PRH1: variants seen among roughly 807,000 people sequenced by gnomAD.
The protein encoded by PRH1 is salivary acidic proline-rich phosphoprotein 1/2.
A neutral mutation model predicts 7.9 loss-of-function variants in PRH1; 7 were observed. The observed-to-expected ratio is 0.89, with a 90% CI of 0.50 to 1.67. The LOEUF is 1.67. Ranked by LOEUF, PRH1 falls within the 40% of genes most tolerant of loss-of-function variation. The pLI, the probability that PRH1 is intolerant of heterozygous loss-of-function variation, is 0.00. For missense variants in PRH1, 109 were observed against 223.6 expected (o/e 0.49, Z 3.27); for synonymous variants, 45 against 80.8 (o/e 0.56, Z 2.38).
Position 11,079,601 on chromosome 12 carries a change from A to C in PRH1, n.124-32413T>G, listed in dbSNP as rs1473134622. On this transcript the variant is annotated intron_variant and non_coding_transcript_variant, in intron 1 of 4. Transcript: ENST00000541977. ...GCAGAAAAACCTAAGTGATAAAGGC[A>C]CTCTGCTAAACCAAGAGTATGGGAA... Among the ~76,000 whole-genome samples the C allele has an allele frequency of 1.7e-4, 20 of 117,828 alleles. 4 individuals carry two copies. The highest frequency in any genetic ancestry group is 5.7e-4 in the African/African-American group (20 of 35,154). The allele number at this position is 117,828 out of a possible 152,430, so 77.3% of individuals were successfully genotyped here.
upstream of PRH1, among the ~76,000 whole-genome samples, chr12:10,885,995 T>C (rs140634466): frequency 3.3e-5 from 5 of 152,234 alleles, no homozygotes; most frequent in African/African-American, 1.2e-4. Flanking sequence ...CCCAGGCAGA[T>C]TGGTATTTTC....
chr12:10,978,018 A>C (rs1939184204), intron 1 of PRH1, among the ~76,000 whole-genome samples: 1 of 152,126 alleles, frequency 6.6e-6, no homozygotes, highest in African/African-American at 2.4e-5. Flanking sequence ...TATTTCTGAC[A>C]AACTACCAGT....
At chr12:10,895,117 A>G (rs1308583765) in intron 2 of PRH1, 1 of 152,232 alleles carries the variant, frequency 6.6e-6, no homozygotes, top group African/African-American at 2.4e-5. Context: ...CTAGAAGAGG[A>G]CAGGCCAATG....
At chr12:11,109,869 A>G (rs894902075) in intron 1 of PRH1, among the ~76,000 whole-genome samples, 1 of 151,920 alleles carries the variant, frequency 6.6e-6, no homozygotes, top group African/African-American at 2.4e-5. Flanking sequence ...AATAAACTCA[A>G]CTGAGATAAA....
At chr12:11,055,343 G>GT (rs1479380670) in intron 1 of PRH1, among the ~76,000 whole-genome samples, 1 of 152,234 alleles carries the variant, frequency 6.6e-6, no homozygotes, top group African/African-American at 2.4e-5. Flanking sequence ...ATGATGAGTA[G>GT]TAAACATACC....
intron 1 of PRH1, among the ~76,000 whole-genome samples, chr12:11,039,017 G>A (rs1179440697): frequency 6.6e-6 from 1 of 152,094 alleles, no homozygotes; most frequent in East Asian, 1.9e-4. Context: ...AATATAATTA[G>A]TTAACAGCAT....
intron 1 of PRH1, among the ~76,000 whole-genome samples, chr12:11,057,975 C>T (rs999537607): frequency 4.0e-5 from 6 of 151,584 alleles, no homozygotes; most frequent in African/African-American, 7.3e-5. Context: ...CAGCCCGGGC[C>T]CTGTGGCACA....
rs538901977 is a variant in PRH1, at chr12:10,922,805, A to G, written c.-58-38530T>C. 4.1e-5 allele frequency among the ~76,000 whole-genome samples: 6 copies of G among 145,834 alleles called. No individual in the cohort carries two copies. The South Asian group carries it at 1.3e-3, about 32-fold the overall frequency. ...GTATGTCCAAATTCATGATTATTGC[A>G]TCTTTTCCATGAATTTTTTCTTTTT... On this transcript the variant is annotated intron_variant, in intron 2 of 3. Transcript: ENST00000539853.
chr12:11,103,682 TAAAATA>T (rs1945324454), intron 1 of PRH1, among the ~76,000 whole-genome samples: 1 of 151,542 alleles, frequency 6.6e-6, no homozygotes, highest in African/African-American at 2.4e-5. Flanking sequence ...GAACTTAAAG[TAAAATA>T]AAAATAAATA....
intron 2 of PRH1, among the ~76,000 whole-genome samples, chr12:10,892,249 A>T (rs1949584407): frequency 6.6e-6 from 1 of 152,156 alleles, no homozygotes; most frequent in Non-Finnish European, 1.5e-5. Flanking sequence ...TTCATGGAGA[A>T]TTTTTTTCCC....
rs182490107 is a variant in PRH1, at chr12:10,890,489, G to T, written c.-58-6214C>A. Among the ~76,000 whole-genome samples the T allele has an allele frequency of 3.3e-5, 5 of 151,946 alleles. No individual in the cohort carries two copies. In the East Asian group the frequency reaches 9.7e-4, roughly 30 times the overall value. On this transcript the variant is annotated intron_variant, in intron 2 of 3. Coordinates refer to the PRH1 transcript ENST00000539853. Reference sequence around the variant, plus strand: ...TTCCTTTTTCTTTCTAAACCTGCTTGTTAGAGGCTGTCACAGTAGCCAGAA... The same window carrying T: ...TTCCTTTTTCTTTCTAAACCTGCTTTTTAGAGGCTGTCACAGTAGCCAGAA...
intron 2 of PRH1, among the ~76,000 whole-genome samples, chr12:10,972,566 A>G (rs1003525338): frequency 1.3e-5 from 2 of 152,188 alleles, no homozygotes; most frequent in African/African-American, 4.8e-5. Flanking sequence ...TTCACTTGCA[A>G]GCATGCAAAT....
chr12:11,032,420 G>A (rs1942265624), intron 1 of PRH1, among the ~76,000 whole-genome samples: 1 of 152,098 alleles, frequency 6.6e-6, no homozygotes, highest in African/African-American at 2.4e-5. Context: ...ACCACAGGCA[G>A]GCCACTACTC....
chr12:11,022,582 A>G, intron 1 of PRH1: 5 of 1,578,556 alleles, frequency 3.2e-6, no homozygotes, highest in Non-Finnish European at 4.3e-6. Flanking sequence ...GTTTGAACAG[A>G]TAAAAAAATG....
chr12:10,995,576 G>A (rs1200427812), intron 1 of PRH1, among the ~76,000 whole-genome samples: 1 of 151,946 alleles, frequency 6.6e-6, no homozygotes, highest in Admixed American at 6.6e-5. Flanking sequence ...TTAATATATA[G>A]ATTTCATAGA....
rs929626639 is a variant in PRH1 at position 11,036,580 on chromosome 12, T to C, written c.-126+10440A>G. On this transcript the variant is annotated intron_variant, in intron 1 of 3. Transcript: ENST00000539853. ...AATTTTATTTACACGAAAATCTGAA[T>C]TGTTTCTATCATGATCATAGTGAAA... is the stretch of plus-strand genomic sequence containing the variant. Among the ~76,000 whole-genome samples, 9 of 152,236 alleles carry C rather than the reference T, an allele frequency of 5.9e-5. 1 individual carries two copies. The highest frequency in any genetic ancestry group is 1.9e-4 in the African/African-American group (8 of 41,456).
intron 2 of PRH1, among the ~76,000 whole-genome samples, chr12:10,906,060 CCT>C (rs1459088195): frequency 6.6e-6 from 1 of 152,150 alleles, no homozygotes; most frequent in Non-Finnish European, 1.5e-5. Flanking sequence ...TCATACTACT[CCT>C]CTCACTTACC....
intron 1 of PRH1, among the ~76,000 whole-genome samples, chr12:10,992,878 T>C (rs141003860): frequency 2.6e-5 from 4 of 152,298 alleles, no homozygotes; most frequent in Admixed American, 6.5e-5. Flanking sequence ...ACCTGTATAT[T>C]AAGGGACATT....
At chr12:11,163,158 G>C (rs1947467343) in intron 1 of PRH1, among the ~76,000 whole-genome samples, 1 of 151,686 alleles carries the variant, frequency 6.6e-6, no homozygotes, top group Admixed American at 6.6e-5. Context: ...ATATTAGCAT[G>C]GCCCCTTCCA....
Sources: allele counts gnomAD v4.1 joint callset (sites outside exome capture counted in the v4.1 genomes callset), GRCh38; gene constraint gnomAD v4.1.1; transcripts MANE v1.5; gene names NCBI Gene and HGNC (gene_info 2026-07-23, HGNC 2026-07-21).